SF3B4: variants seen among roughly 807,000 people sequenced by gnomAD.
SF3B4 encodes splicing factor 3b subunit 4.
A neutral mutation model predicts 34.3 loss-of-function variants in SF3B4; 3 were observed. That is an observed-to-expected ratio of 0.09 (90% CI 0.04 to 0.23). The LOEUF is 0.23. Among genes scored for constraint, SF3B4 ranks in the 10% least tolerant of loss-of-function variants. The pLI, the probability that SF3B4 is intolerant of heterozygous loss-of-function variation, is 1.00. For synonymous variants in SF3B4, 216 were observed against 207.8 expected (o/e 1.04, Z -0.34); for missense variants, 283 against 567.2 (o/e 0.50, Z 5.09).
In SF3B4 at chr1:149,923,844, T is replaced by A; in HGVS notation, c.1084A>T (p.Met362Leu). ...GAGGTGGCTAGAGCCGACTTACCCA[T>A]GGGAGATCCGAATGGAGGCCCTCGG... ...PPRGPPFGSP[M>L]GHPGPMPPHG... The change falls in exon 5 of 6, where the codon ATG becomes TTG. Residue 362 changes from methionine (M) to leucine (L), a missense_variant. This residue lies in a region of SF3B4 where 208 missense variants were observed against 292.6 expected (regional missense o/e 0.71). Transcript: ENST00000271628. 1 of 1,594,430 alleles carries A rather than the reference T, an allele frequency of 6.3e-7. No individual in the cohort carries two copies. Among genetic ancestry groups the A allele is most frequent in the Non-Finnish European group, 8.5e-7 (1 of 1,173,834 alleles).
rs1553765661 is a variant in SF3B4 at position 149,923,898 on chromosome 1, G to A, written c.1030C>T (p.Pro344Ser). 3.1e-6 allele frequency: 5 copies of A among 1,606,200 alleles called. No individual in the cohort carries two copies. The highest frequency in any genetic ancestry group is 2.7e-5 in the African/African-American group (2 of 74,278). ...PPRPPPGMPH[P>S]GPPPMGMPPR... is the part of the protein sequence containing the mutation. ...GGCATGCCCATTGGAGGAGGTCCAG[G>A]ATGAGGCATTCCAGGTGGTGGTCGG... Residue 344 changes from proline to serine, a missense_variant, in exon 5 of 6, where the codon CCT (proline) becomes TCT (serine). Transcript: ENST00000271628.
rs781939507 is a variant in SF3B4 at position 149,926,593 on chromosome 1, A to G, written c.489T>C (p.Asn163=). 31 of 1,614,134 alleles carry G rather than the reference A, an allele frequency of 1.9e-5. No homozygotes were observed. In the South Asian group the frequency reaches 2.9e-4, roughly 15 times the overall value. The change falls in exon 3 of 6, where the codon AAT becomes AAC. Residue 163 remains asparagine (N), a synonymous_variant. Coordinates refer to ENST00000271628, the MANE Select transcript of SF3B4 (RefSeq NM_005850.5). The surrounding 1 kb of genome is among the most constrained non-coding windows in gnomAD (Gnocchi z 6.2). ...TAGGACGGTTACAGAGGTACTGCCC[A>G]TTCATGGCTTCAATTGCTGCATCCG... ...DASDAAIEAM[N]GQYLCNRPIT...
At chr1:149,924,295 G>C (rs1170911256) in intron 4 of SF3B4, among the ~76,000 whole-genome samples, 2 of 152,078 alleles carry the variant, frequency 1.3e-5, no homozygotes, top group East Asian at 1.9e-4. Flanking sequence ...TAATTAGCCA[G>C]GCATGGTGGT....
At position 149,927,302 on chromosome 1, in the gene SF3B4, G is replaced by A. The variant is rs374282221; in HGVS notation, c.35-8C>T. The A allele has an allele frequency of 1.1e-5, 18 of 1,612,814 alleles. No homozygotes were observed. The highest frequency in any genetic ancestry group is 1.3e-5 in the African/African-American group (1 of 74,850). On this transcript the variant is annotated splice_region_variant and splice_polypyrimidine_tract_variant and intron_variant, in intron 1 of 5. Transcript: ENST00000271628. ...CCACGTACACAGTGGCATCTTGAAG[G>A]GAGGGAGCAAAAAGAGCAAGCGTGA...
chr1:149,924,143 T>G, intron 4 of SF3B4, 129 bp from the exon 5 acceptor site: 2 of 824,542 alleles, frequency 2.4e-6, no homozygotes, highest in Non-Finnish European at 3.7e-6. Context: ...AAAAAGGGTA[T>G]AGAAAATAAG....
rs2101647011 is a variant in SF3B4 at position 149,926,797 on chromosome 1, G to A, written c.285C>T (p.Asn95=). Residue 95 remains asparagine (N), a synonymous_variant, in exon 3 of 6, where the codon AAC becomes AAT. Coordinates refer to ENST00000271628, the MANE Select transcript of SF3B4 (RefSeq NM_005850.5). The surrounding 1 kb of genome is among the most constrained non-coding windows in gnomAD (Gnocchi z 6.2). ...TGAAAATGTTGGCCCCTACATCCAG[G>A]TTTTTGTTGTGAGCTGATGCTTTGT... The part of the protein sequence containing the change: ...RVNKASAHNK[N]LDVGANIFIG... 6.2e-7 allele frequency: 1 copy of A among 1,614,130 alleles called. No homozygotes were observed. The highest frequency in any genetic ancestry group is 1.7e-5 in the Admixed American group (1 of 60,030).
At chr1:149,925,745 T>C in intron 4 of SF3B4, 91 bp downstream of exon 4, 1 of 944,050 alleles carries the variant, frequency 1.1e-6, no homozygotes, top group South Asian at 1.3e-5. Flanking sequence ...TCTGAAACTG[T>C]TACTGTTGAG....
chr1:149,923,847 G>A lies in SF3B4; in HGVS notation c.1081C>T (p.Pro361Ser). 2 of 1,595,622 alleles carry A rather than the reference G, an allele frequency of 1.3e-6. No homozygotes were observed. Among genetic ancestry groups the A allele is most frequent in the East Asian group, 2.3e-5 (1 of 44,180 alleles). Reference sequence around the variant, plus strand: ...GTGGCTAGAGCCGACTTACCCATGGGAGATCCGAATGGAGGCCCTCGGGGG... The same window carrying A: ...GTGGCTAGAGCCGACTTACCCATGGAAGATCCGAATGGAGGCCCTCGGGGG... The part of the protein sequence containing the change: ...MPPRGPPFGS[P>S]MGHPGPMPPH... The change falls in exon 5 of 6, where the codon CCC (proline) becomes TCC (serine). Residue 361 changes from proline (P) to serine (S), a missense_variant. Transcript: ENST00000271628.
intron 4 of SF3B4, 88 bp downstream of exon 4, chr1:149,925,748 C>T (rs1173513092): frequency 1.0e-6 from 1 of 967,604 alleles, no homozygotes; most frequent in African/African-American, 1.6e-5. Flanking sequence ...GAAACTGTTA[C>T]TGTTGAGGAA....
chr1:149,927,000 A>G lies in SF3B4; in HGVS notation c.164-82T>C. On this transcript the variant is annotated intron_variant, in intron 2 of 5. Transcript: ENST00000271628. This position sits in a 1 kb window ranked among gnomAD's most constrained non-coding sequence, Gnocchi z 6.2. ...TAAAATTCATCTACCCTCTAATCAC[A>G]AAGAACAAGAAAGAAACAACATCAC... The G allele has an allele frequency of 6.9e-7, 1 of 1,457,532 alleles. No individual in the cohort carries two copies. The highest frequency in any genetic ancestry group is 9.2e-7 in the Non-Finnish European group (1 of 1,082,162). 90.3% of individuals were successfully genotyped at this position (1,457,532 alleles called of 1,614,324 possible). A position where few individuals can be genotyped will look rare whatever the true frequency, so the allele number is the denominator to read the frequency against.
chr1:149,926,333 T>C lies in SF3B4; in HGVS notation c.706+43A>G. ...TGTTTTCTTCTTCCTCCTGACCCTC[T>C]CCCCCAACCTTAAGACAAACATATT... is the stretch of plus-strand genomic sequence containing the variant. On this transcript the variant is annotated intron_variant, in intron 3 of 5. Transcript: ENST00000271628. The surrounding 1 kb of genome is among the most constrained non-coding windows in gnomAD (Gnocchi z 6.2). The C allele has an allele frequency of 6.5e-7, 1 of 1,532,010 alleles. No individual in the cohort carries two copies. Among genetic ancestry groups the C allele is most frequent in the Non-Finnish European group, 8.8e-7 (1 of 1,130,418 alleles). The allele number at this position is 1,532,010 out of a possible 1,614,324, so 94.9% of individuals were successfully genotyped here.
rs370364614 is a variant in SF3B4 at position 149,926,950 on chromosome 1, G to T, written c.164-32C>A. The T allele has an allele frequency of 6.4e-7, 1 of 1,559,304 alleles. No homozygotes were observed. Among genetic ancestry groups the T allele is most frequent in the Non-Finnish European group, 8.7e-7 (1 of 1,154,964 alleles). ...AAGTGGAGAAGAGGAGGTTAACAAC[G>T]TAAGTAAAGAGACTGAAAATGGGGT... On this transcript the variant is annotated intron_variant, in intron 2 of 5. Transcript: ENST00000271628. This position sits in a 1 kb window ranked among gnomAD's most constrained non-coding sequence, Gnocchi z 6.2.
At chr1:149,927,595 G>T in intron 1 of SF3B4, 131 bp downstream of exon 1, 3 of 1,232,592 alleles carry the variant, frequency 2.4e-6, no homozygotes, top group Non-Finnish European at 3.4e-6. Flanking sequence ...CCCCCAACAG[G>T]CAGAGGGCCG....
intron 4 of SF3B4, among the ~76,000 whole-genome samples, chr1:149,924,306 G>A (rs2092574933): frequency 1.3e-5 from 2 of 152,018 alleles, no homozygotes; most frequent in African/African-American, 2.4e-5. Context: ...GCATGGTGGT[G>A]TGTGCCTCTA....
At chr1:149,924,085 G>C in intron 4 of SF3B4, 71 bp from the exon 5 acceptor site, 6 of 1,276,446 alleles carry the variant, frequency 4.7e-6, no homozygotes, top group Non-Finnish European at 6.4e-6. Flanking sequence ...GAGAAAGGAA[G>C]AAAACAAAAT....
At position 149,923,881 on chromosome 1, in the gene SF3B4, C is replaced by T; in HGVS notation, c.1047G>A (p.Met349Ile). 1 of 1,605,016 alleles carries T rather than the reference C, an allele frequency of 6.2e-7. No individual in the cohort carries two copies. Among genetic ancestry groups the T allele is most frequent in the African/African-American group, 1.3e-5 (1 of 74,222 alleles). The change falls in exon 5 of 6, where the codon ATG becomes ATA. Residue 349 changes from methionine (M) to isoleucine (I), a missense_variant. Met to Ile is a conservative substitution (Grantham distance 10, BLOSUM62 1). Around this residue, in one of 4 missense-constraint regions of SF3B4, gnomAD observed 208 missense variants for 292.6 expected, o/e 0.71. Transcript: ENST00000271628. Reference sequence around the variant, plus strand: ...ATGGAGGCCCTCGGGGGGGCATGCCCATTGGAGGAGGTCCAGGATGAGGCA... The same window carrying T: ...ATGGAGGCCCTCGGGGGGGCATGCCTATTGGAGGAGGTCCAGGATGAGGCA... ...PGMPHPGPPP[M>I]GMPPRGPPFG...
At chr1:149,927,065 CTTAAAAGAAAAAAATCT>C in intron 2 of SF3B4, 84 bp downstream of exon 2, 3 of 1,519,924 alleles carry the variant, frequency 2.0e-6, no homozygotes, top group Non-Finnish European at 2.7e-6. Context: ...TGAAGAGAGG[CTTAAAAGAAAAAAATCT>C]TTAGGTTGCT....
In SF3B4 at chr1:149,927,305, G is replaced by C. The variant is rs782284128; in HGVS notation, c.35-11C>G. On this transcript the variant is annotated splice_polypyrimidine_tract_variant and intron_variant, in intron 1 of 5. Coordinates refer to ENST00000271628, the MANE Select transcript of SF3B4 (RefSeq NM_005850.5). ...CGTACACAGTGGCATCTTGAAGGGA[G>C]GGAGCAAAAAGAGCAAGCGTGAGAG... 2 of 1,612,868 alleles carry C rather than the reference G, an allele frequency of 1.2e-6. No homozygotes were observed. The highest frequency in any genetic ancestry group is 1.3e-5 in the African/African-American group (1 of 74,978).
At chr1:149,927,081 C>T in intron 2 of SF3B4, 85 bp downstream of exon 2, 1 of 1,552,200 alleles carries the variant, frequency 6.4e-7, no homozygotes, top group South Asian at 1.2e-5. Context: ...AGAAAAAAAT[C>T]TTTAGGTTGC....
Sources: gnomAD v4.1 joint callset for allele counts (sites outside exome capture counted in the v4.1 genomes callset) on GRCh38, gnomAD v4.1.1 for gene constraint, gnomAD v4.1.1 regional missense constraint, Gnocchi (gnomAD v3.1) non-coding constraint, MANE v1.5 for transcripts, NCBI Gene and HGNC (gene_info 2026-07-23, HGNC 2026-07-21) for gene names.